The following ABCC6 variants were observed in gnomAD, a reference collection of about 807,000 sequenced individuals.
The protein encoded by ABCC6 is ATP-binding cassette sub-family C member 6.
Under a neutral mutation model 169.5 loss-of-function variants are expected in ABCC6, and 126 were observed. The ratio of observed to expected loss-of-function variants is 0.74; its 90% CI spans 0.64 to 0.86. The LOEUF is 0.86. ABCC6 is among the 40% of genes least tolerant of loss of function. ABCC6 has a pLI of 0.00. For synonymous variants in ABCC6, 752 were observed against 814.7 expected (o/e 0.92, Z 1.31); for missense variants, 1,733 against 1,927.2 (o/e 0.90, Z 1.89).
In ABCC6 at chr16:16,150,738, C is replaced by CA. The variant is rs2046363256; in HGVS notation, c.4242dup (p.Ala1415CysfsTer113). 1 of 1,613,916 alleles carries CA rather than the reference C, an allele frequency of 6.2e-7. No individual in the cohort carries two copies. Among genetic ancestry groups the CA allele is most frequent in the Non-Finnish European group, 8.5e-7 (1 of 1,179,964 alleles). On this transcript the variant is annotated frameshift_variant, in exon 30 of 31. Coordinates refer to ENST00000205557, the MANE Select transcript of ABCC6 (RefSeq NM_001171.6). LOFTEE classifies it high-confidence loss of function. ...AGGATCTGGGTCTTCCGGAGAAGGG[C>CA]ACGTGCCAGACACAGGAGCTGTTTC...
In ABCC6 at chr16:16,188,968, G is replaced by C; in HGVS notation, c.1642C>G (p.Leu548Val). 1 of 1,613,922 alleles carries C rather than the reference G, an allele frequency of 6.2e-7. No individual in the cohort carries two copies. Among genetic ancestry groups the C allele is most frequent in the Non-Finnish European group, 8.5e-7 (1 of 1,180,012 alleles). ...AGAGTGTGGACAGCAAACACCACCA[G>C]TGCGACCTGGGGGGTGGGGGGGACA... ...SFQVSTFLVA[L>V]VVFAVHTLVA... The change falls in exon 13 of 31, where the codon CTG (leucine) becomes GTG (valine). Residue 548 changes from leucine to valine, a missense_variant. Around this residue, in one of 5 missense-constraint regions of ABCC6, gnomAD observed 1,601 missense variants for 1,635.5 expected, o/e 0.98. Transcript: ENST00000205557.
intron 25 of ABCC6, among the ~76,000 whole-genome samples, chr16:16,159,981 C>A (rs1209822330): frequency 6.6e-6 from 1 of 152,146 alleles, no homozygotes; most frequent in African/African-American, 2.4e-5. Flanking sequence ...CACTTAGAAC[C>A]ACTCCAAGCT....
chr16:16,175,809 T>G (rs2047259726), intron 20 of ABCC6, 102 bp downstream of exon 20: 1 of 1,303,552 alleles, frequency 7.7e-7, no homozygotes, highest in Non-Finnish European at 1.1e-6. Context: ...CTATCCATAA[T>G]GGTTTTGGTT....
intron 29 of ABCC6, among the ~76,000 whole-genome samples, chr16:16,152,393 T>C (rs1170904983): frequency 6.6e-6 from 1 of 151,628 alleles, no homozygotes; most frequent in Non-Finnish European, 1.5e-5. Context: ...ACAGCATCCT[T>C]TTACATGATC....
At position 16,187,193 on chromosome 16, in the gene ABCC6, G is replaced by A. The variant is rs72653777; in HGVS notation, c.1798C>T (p.Arg600Cys). 2.2e-5 allele frequency: 36 copies of A among 1,613,516 alleles called. No homozygotes were observed. Among genetic ancestry groups the A allele is most frequent in the African/African-American group, 8.0e-5 (6 of 74,896 alleles). The change falls in exon 14 of 31, where the codon CGT becomes TGT. Residue 600 changes from arginine to cysteine, a missense_variant. By Grantham distance (180) the Arg-to-Cys change is radical. Coordinates refer to ENST00000205557, the MANE Select transcript of ABCC6 (RefSeq NM_001171.6). ...SLVQARVSFD[R>C]LVTFLCLEEV... ...TCCAGGCAGAGGAAGGTGACCAGAC[G>A]GTCAAAGGACACCCGGGCCTAGGAA...
intron 27 of ABCC6, among the ~76,000 whole-genome samples, chr16:16,156,119 T>C (rs1425347710): frequency 6.6e-6 from 1 of 152,178 alleles, no homozygotes; most frequent in Non-Finnish European, 1.5e-5. Flanking sequence ...TTTCACCATG[T>C]TGGCCAGGCT....
At chr16:16,194,878 C>T (rs1249822442) in intron 10 of ABCC6, among the ~76,000 whole-genome samples, 1 of 152,044 alleles carries the variant, frequency 6.6e-6, no homozygotes, top group East Asian at 1.9e-4. Flanking sequence ...TGGGGTTTCA[C>T]CACGTTGCCC....
At chr16:16,182,659 G>A in intron 16 of ABCC6, 71 bp from the exon 17 acceptor site, 1 of 1,593,660 alleles carries the variant, frequency 6.3e-7, no homozygotes, top group Non-Finnish European at 8.6e-7. Context: ...GAGGAGCAGT[G>A]GGAGCTGGGC....
intron 10 of ABCC6, among the ~76,000 whole-genome samples, chr16:16,195,676 G>A (rs958777054): frequency 4.6e-5 from 7 of 151,934 alleles, no homozygotes; most frequent in African/African-American, 9.7e-5. Context: ...ATTTTCCCAT[G>A]TTCTTCCTCT....
In ABCC6 at chr16:16,211,192, G is replaced by A. The variant is rs147766787; in HGVS notation, c.662+993C>T. On this transcript the variant is annotated intron_variant, in intron 6 of 30. Coordinates refer to ENST00000205557, the MANE Select transcript of ABCC6 (RefSeq NM_001171.6). Reference sequence around the variant, plus strand: ...CGAGGCGGGCAGATCACCTGAGGTCGGGAGTTTCAGATCAGCCTGACCAAC... The same window carrying A: ...CGAGGCGGGCAGATCACCTGAGGTCAGGAGTTTCAGATCAGCCTGACCAAC... Among the ~76,000 whole-genome samples, 167 of 151,910 alleles carry A rather than the reference G, an allele frequency of 1.1e-3. 1 individual carries two copies. The highest frequency in any genetic ancestry group is 3.7e-3 in the African/African-American group (153 of 41,458).
intron 23 of ABCC6, among the ~76,000 whole-genome samples, chr16:16,164,221 G>A (rs911865327): frequency 6.6e-6 from 1 of 151,966 alleles, no homozygotes; most frequent in Non-Finnish European, 1.5e-5. Context: ...TTTAGTAGAC[G>A]GAGTTTCACC....
At chr16:16,172,335 G>C in intron 21 of ABCC6, among the ~76,000 whole-genome samples, 1 of 45,580 alleles carries the variant, frequency 2.2e-5, no homozygotes, top group African/African-American at 8.7e-5. Flanking sequence ...GGGTGGGATG[G>C]CTAAATGGGT....
At chr16:16,185,122 C>T (rs568723062) in intron 14 of ABCC6, 88 bp from the exon 15 acceptor site, 1 of 1,231,150 alleles carries the variant, frequency 8.1e-7, no homozygotes, top group African/African-American at 1.5e-5. Flanking sequence ...TCCCCCGCCC[C>T]CCCCAGGGGC....
At position 16,188,992 on chromosome 16, in the gene ABCC6, C is replaced by A. The variant is rs760744820; in HGVS notation, c.1636-18G>T. 1.7e-5 allele frequency: 28 copies of A among 1,613,112 alleles called. No individual in the cohort carries two copies. On this transcript the variant is annotated intron_variant, in intron 12 of 30. Coordinates refer to ENST00000205557, the MANE Select transcript of ABCC6 (RefSeq NM_001171.6). ...AGTGCGACCTGGGGGGTGGGGGGGA[C>A]ACGTGGGGCAACAGTGAGACACGCA... is the stretch of plus-strand genomic sequence containing the variant.
intron 22 of ABCC6, among the ~76,000 whole-genome samples, chr16:16,166,456 C>T (rs545887859): frequency 6.6e-6 from 1 of 151,708 alleles, no homozygotes; most frequent in South Asian, 2.1e-4. Flanking sequence ...AGAGGATACT[C>T]AGAGACACAG....
intron 23 of ABCC6, among the ~76,000 whole-genome samples, chr16:16,163,803 T>C (rs1429138021): frequency 6.6e-6 from 1 of 152,196 alleles, no homozygotes; most frequent in East Asian, 1.9e-4. Flanking sequence ...TTTCACACAG[T>C]GTCTCATTCA....
At chr16:16,172,319 ATGAGTGGGTGGGATGGCTAAATGGGTG>A (rs2047133689) in intron 21 of ABCC6, among the ~76,000 whole-genome samples, 1 of 148 alleles carries the variant, frequency 6.8e-3, no homozygotes, top group Non-Finnish European at 0.01. Flanking sequence ...ATAAATGGGT[ATGAGTGGGTGGGATGGCTAAATGGGTG>A]GGTGGGATGG....
In ABCC6 at chr16:16,161,609, C is replaced by T. The variant is rs373709257; in HGVS notation, c.3507-45G>A. ...CAGGGTGAGTGGTTACTCTCATCTG[C>T]AGGGAGATGCTTCTCTGGGCACAAG... On this transcript the variant is annotated intron_variant, in intron 24 of 30. Coordinates refer to ENST00000205557, the MANE Select transcript of ABCC6 (RefSeq NM_001171.6). 8.4e-5 allele frequency: 135 copies of T among 1,612,972 alleles called. 2 individuals are homozygous for T. The African/African-American group carries it at 1.7e-3, about 20-fold the overall frequency.
At chr16:16,215,230 T>G (rs1193162232) in intron 4 of ABCC6, among the ~76,000 whole-genome samples, 2 of 152,112 alleles carry the variant, frequency 1.3e-5, no homozygotes, top group East Asian at 3.9e-4. Context: ...AGCTGGAGTT[T>G]ACTTGCTTCC....
Sources: gnomAD v4.1 joint callset for allele counts (sites outside exome capture counted in the v4.1 genomes callset) on GRCh38, gnomAD v4.1.1 for gene constraint, gnomAD v4.1.1 regional missense constraint, MANE v1.5 for transcripts, NCBI Gene and HGNC (gene_info 2026-07-23, HGNC 2026-07-21) for gene names.